The following KCNA2 variants were observed in gnomAD, a reference collection of about 807,000 sequenced individuals.
KCNA2 encodes the protein potassium channel, voltage gated shaker related subfamily A, member 2.
A neutral mutation model predicts 33.4 loss-of-function variants in KCNA2; 11 were observed. That is an observed-to-expected ratio of 0.33 (90% CI 0.21 to 0.55). The LOEUF (loss-of-function observed/expected upper bound fraction) is 0.55. KCNA2 is among the 20% of genes least tolerant of loss of function. The pLI, the probability that KCNA2 is intolerant of heterozygous loss-of-function variation, is 0.93. For synonymous variants in KCNA2, 222 were observed against 231.3 expected, an observed-to-expected ratio of 0.96 and a Z score of 0.37; for missense variants, 291 against 621.6, an observed-to-expected ratio of 0.47 and a Z score of 5.66.
At chr1:110,619,453 C>T (rs1387988265) in intron 1 of KCNA2, among the ~76,000 whole-genome samples, 1 of 152,244 alleles carries the variant, frequency 6.6e-6, no homozygotes, top group Non-Finnish European at 1.5e-5. Flanking sequence ...GAGGCCCCTC[C>T]TACACATACA....
chr1:110,621,717 A>T (rs1650263488), intron 1 of KCNA2, among the ~76,000 whole-genome samples: 1 of 152,232 alleles, frequency 6.6e-6, no homozygotes, highest in South Asian at 2.1e-4. Context: ...CAACTCTATG[A>T]CAATAAATTG....
At chr1:110,615,577 TG>T (rs1179871092) in intron 1 of KCNA2, among the ~76,000 whole-genome samples, 1 of 152,266 alleles carries the variant, frequency 6.6e-6, no homozygotes, top group Non-Finnish European at 1.5e-5. Context: ...GTTCCGCTCC[TG>T]ATCTTCCTTA....
At chr1:110,610,138 T>G (rs1176706626), upstream of KCNA2, among the ~76,000 whole-genome samples, 1 of 152,212 alleles carries the variant, frequency 6.6e-6, no homozygotes, top group African/African-American at 2.4e-5. Context: ...TCCCTTTGGT[T>G]TGGTTTCCTG....
In KCNA2 at chr1:110,599,406, T is replaced by G. The variant is rs879114727; in HGVS notation, c.*3877A>C. ...TGTATGTTCTTAATCACTTTTTACT[T>G]AAGCTGAACTGGGTTGCATAGCAAT... On this transcript the variant is annotated 3_prime_UTR_variant, in exon 3 of 3. Transcript: ENST00000316361. 17 of 985,312 alleles carry G rather than the reference T, an allele frequency of 1.7e-5. No individual in the cohort carries two copies. Among genetic ancestry groups the G allele is most frequent in the Middle Eastern group, 5.2e-4 (1 of 1,936 alleles). 61.0% of individuals were successfully genotyped at this position (985,312 alleles called of 1,614,324 possible).
intron 1 of KCNA2, among the ~76,000 whole-genome samples, chr1:110,625,863 T>A (rs1296350653): frequency 1.3e-5 from 2 of 152,254 alleles, no homozygotes; most frequent in Non-Finnish European, 2.9e-5. Flanking sequence ...TCATTCATAA[T>A]TAAGAGAAAT....
At position 110,603,787 on chromosome 1, in the gene KCNA2, T is replaced by C. The variant is rs1399021954; in HGVS notation, c.996A>G (p.Ile332Met). 1 of 1,613,894 alleles carries C rather than the reference T, an allele frequency of 6.2e-7. No homozygotes were observed. The highest frequency in any genetic ancestry group is 1.3e-5 in the African/African-American group (1 of 74,896). ...GGATGACCCCTATGAAGAGAAAGAA[T>C]ATCAGGAGGCCCAATTCTCTCATGC... The part of the protein sequence containing the change: ...KASMRELGLL[I>M]FFLFIGVILF... Residue 332 changes from isoleucine to methionine, a missense_variant, in exon 3 of 3, where the codon ATA (isoleucine) becomes ATG (methionine). This residue lies in a region of KCNA2 where 43 missense variants were observed against 159.4 expected (regional missense o/e 0.27). Transcript: ENST00000316361. The surrounding 1 kb of genome is among the most constrained non-coding windows in gnomAD (Gnocchi z 5.7).
Position 110,599,141 on chromosome 1 carries a change from C to T in KCNA2, c.*4142G>A, listed in dbSNP as rs1649229916. On this transcript the variant is annotated 3_prime_UTR_variant, in exon 3 of 3. Coordinates refer to ENST00000316361, the MANE Select transcript of KCNA2 (RefSeq NM_004974.4). ...GGGAGAGTGAGACACAACGGGATGG[C>T]TGCAGGAGCAGAAATCAGGAGTGAG... 1.0e-6 allele frequency: 1 copy of T among 985,306 alleles called. No individual in the cohort carries two copies. Among genetic ancestry groups the T allele is most frequent in the South Asian group, 4.7e-5 (1 of 21,284 alleles). The allele number at this position is 985,306 out of a possible 1,614,324, so 61.0% of individuals were successfully genotyped here. A position where few individuals can be genotyped will look rare whatever the true frequency, so the allele number is the denominator to read the frequency against.
In KCNA2 at chr1:110,602,228, A is replaced by G; in HGVS notation, c.*1055T>C. The G allele has an allele frequency of 6.5e-7, 1 of 1,540,792 alleles. No individual in the cohort carries two copies. Among genetic ancestry groups the G allele is most frequent in the Non-Finnish European group, 8.7e-7 (1 of 1,143,112 alleles). On this transcript the variant is annotated 3_prime_UTR_variant, in exon 3 of 3. Transcript: ENST00000316361. ...GGGCCAGAAGTTTTAGTTCCATTCC[A>G]AATAGTCTATTTTTTTTCCCCTGAT...
chr1:110,612,608 G>A (rs182032366), intron 1 of KCNA2, among the ~76,000 whole-genome samples: 1 of 152,238 alleles, frequency 6.6e-6, no homozygotes, highest in African/African-American at 2.4e-5. Context: ...AACCCCTGTT[G>A]GTCCTGTCTT....
chr1:110,602,333 C>T lies in KCNA2; in HGVS notation c.*950G>A, dbSNP rs6701118. ...AGCCTATTAATACTCTAAATATTAA[C>T]ACTGTGTAGGCTACTAGGAAAATAG... On this transcript the variant is annotated 3_prime_UTR_variant, in exon 3 of 3. Transcript: ENST00000316361. The T allele has an allele frequency of 0.16, 233,081 of 1,435,778 alleles. 24,957 individuals carry two copies. Among genetic ancestry groups the T allele is most frequent in the African/African-American group, 0.49 (33,959 of 69,658 alleles). The allele number at this position is 1,435,778 out of a possible 1,614,324, so 88.9% of individuals were successfully genotyped here.
intron 1 of KCNA2, among the ~76,000 whole-genome samples, chr1:110,618,865 G>T (rs930076982): frequency 2.6e-5 from 4 of 152,120 alleles, no homozygotes; most frequent in Non-Finnish European, 5.9e-5. Context: ...TATCTCTTCC[G>T]GCAGGCGAAG....
intron 1 of KCNA2, among the ~76,000 whole-genome samples, chr1:110,628,147 A>G (rs1440555374): frequency 6.6e-6 from 1 of 152,156 alleles, no homozygotes; most frequent in African/African-American, 2.4e-5. Flanking sequence ...TTGTGCCCTG[A>G]TGGGGGAAAA....
chr1:110,620,053 C>A (rs377090085), intron 1 of KCNA2, among the ~76,000 whole-genome samples: 109 of 126,812 alleles, frequency 8.6e-4, no homozygotes, highest in African/African-American at 1.3e-3. Context: ...AGAGCGAGAG[C>A]GAGAGAGAGA....
Position 110,600,381 on chromosome 1 carries a change from T to C in KCNA2, c.*2902A>G. Reference sequence around the variant, plus strand: ...TGTCCATGTAGTTTTTTATGTATTTTGCATCTGAGTTTCAGGTTGTATATT... The same window carrying C: ...TGTCCATGTAGTTTTTTATGTATTTCGCATCTGAGTTTCAGGTTGTATATT... On this transcript the variant is annotated 3_prime_UTR_variant, in exon 3 of 3. Transcript: ENST00000316361. The C allele has an allele frequency of 1.0e-6, 1 of 985,048 alleles. No homozygotes were observed. Among genetic ancestry groups the C allele is most frequent in the Non-Finnish European group, 1.2e-6 (1 of 829,860 alleles). 61.0% of individuals were successfully genotyped at this position (985,048 alleles called of 1,614,324 possible). A position where few individuals can be genotyped will look rare whatever the true frequency, so the allele number is the denominator to read the frequency against.
chr1:110,623,167 G>A (rs902900921), intron 1 of KCNA2, among the ~76,000 whole-genome samples: 5 of 152,284 alleles, frequency 3.3e-5, no homozygotes, highest in Admixed American at 1.3e-4. Flanking sequence ...TGATTCACAC[G>A]TATATGGACA....
In KCNA2 at chr1:110,598,273, G is replaced by A. The variant is rs368511925; in HGVS notation, c.*5010C>T. On this transcript the variant is annotated 3_prime_UTR_variant, in exon 3 of 3. Coordinates refer to ENST00000316361, the MANE Select transcript of KCNA2 (RefSeq NM_004974.4). Reference sequence around the variant, plus strand: ...CCCCAGGAAAGCTCTGGGGAGCAGAGCTCAGCACCATCATCCCCTCTCTTG... The same window carrying A: ...CCCCAGGAAAGCTCTGGGGAGCAGAACTCAGCACCATCATCCCCTCTCTTG... 6.9e-4 allele frequency: 490 copies of A among 709,028 alleles called. 4 individuals carry two copies. The South Asian group carries it at 0.011, about 17-fold the overall frequency. 43.9% of individuals were successfully genotyped at this position (709,028 alleles called of 1,614,324 possible).
chr1:110,603,464 G>A lies in KCNA2; in HGVS notation c.1319C>T (p.Ser440Phe), dbSNP rs1214241331. ...LQVTSCPKIP[S>F]SPDLKKSRSA... Reference sequence around the variant, plus strand: ...TCTACTTTTCTTTAGGTCAGGGGAGGATGGGATCTTTGGACAGCTTGTCAC... The same window carrying A: ...TCTACTTTTCTTTAGGTCAGGGGAGAATGGGATCTTTGGACAGCTTGTCAC... The change falls in exon 3 of 3, where the codon TCC (serine) becomes TTC (phenylalanine). Residue 440 changes from serine (S) to phenylalanine (F), a missense_variant. This residue lies in a region of KCNA2 where 65 missense variants were observed against 95.1 expected (regional missense o/e 0.68). Coordinates refer to ENST00000316361, the MANE Select transcript of KCNA2 (RefSeq NM_004974.4). This position sits in a 1 kb window ranked among gnomAD's most constrained non-coding sequence, Gnocchi z 5.7. The A allele has an allele frequency of 6.2e-7, 1 of 1,613,892 alleles. No homozygotes were observed. The highest frequency in any genetic ancestry group is 1.3e-5 in the African/African-American group (1 of 74,854).
intron 1 of KCNA2, among the ~76,000 whole-genome samples, chr1:110,629,567 C>T (rs1260840244): frequency 6.6e-6 from 1 of 152,166 alleles, no homozygotes; most frequent in African/African-American, 2.4e-5. Context: ...CTCTCCTTCC[C>T]CTGTGTGTAT....
rs1005558942 is a variant in KCNA2, at chr1:110,602,224, T to C, written c.*1059A>G. The C allele has an allele frequency of 3.8e-5, 58 of 1,542,058 alleles. No individual in the cohort carries two copies. The highest frequency in any genetic ancestry group is 1.8e-5 in the Non-Finnish European group (21 of 1,143,794). On this transcript the variant is annotated 3_prime_UTR_variant, in exon 3 of 3. Coordinates refer to ENST00000316361, the MANE Select transcript of KCNA2 (RefSeq NM_004974.4). ...TGGGGGGCCAGAAGTTTTAGTTCCATTCCAAATAGTCTATTTTTTTTCCCC... is the reference window on the plus strand; with the variant it reads ...TGGGGGGCCAGAAGTTTTAGTTCCACTCCAAATAGTCTATTTTTTTTCCCC...
Sources: gnomAD v4.1 joint callset for allele counts (sites outside exome capture counted in the v4.1 genomes callset) on GRCh38, gnomAD v4.1.1 for gene constraint, gnomAD v4.1.1 regional missense constraint, Gnocchi (gnomAD v3.1) non-coding constraint, MANE v1.5 for transcripts, NCBI Gene and HGNC (gene_info 2026-07-23, HGNC 2026-07-21) for gene names.